The following UST variants were observed in gnomAD, a reference collection of about 807,000 sequenced individuals.
UST encodes chondroitin sulfate 2-O-sulfotransferase.
Under a neutral mutation model 45.6 loss-of-function variants are expected in UST, and 21 were observed. The observed-to-expected ratio is 0.46, with a 90% CI of 0.33 to 0.66. UST has a LOEUF of 0.66. Among genes scored for constraint, UST ranks in the 30% least tolerant of loss-of-function variants. The pLI is 0.02. For synonymous variants in UST, 215 were observed against 200.6 expected, an observed-to-expected ratio of 1.07 and a Z score of -0.61; for missense variants, 463 against 512.4, an observed-to-expected ratio of 0.90 and a Z score of 0.93.
intron 2 of UST, among the ~76,000 whole-genome samples, chr6:148,926,113 A>G (rs755686075): frequency 2.6e-4 from 39 of 152,262 alleles, no homozygotes; most frequent in Non-Finnish European, 4.6e-4. Context: ...TTGAAGAAAG[A>G]AAGCAGCACA....
At chr6:148,834,016 T>G (rs976209689) in intron 1 of UST, among the ~76,000 whole-genome samples, 20 of 152,248 alleles carry the variant, frequency 1.3e-4, no homozygotes, top group African/African-American at 3.6e-4. Flanking sequence ...GTTCATAAAT[T>G]GATGCTGTTA....
chr6:148,923,700 A>G (rs1016122741), intron 2 of UST, among the ~76,000 whole-genome samples: 1 of 152,160 alleles, frequency 6.6e-6, no homozygotes, highest in Admixed American at 6.5e-5. Flanking sequence ...AGGTCAGGAG[A>G]TCGAGACCAT....
intron 7 of UST, among the ~76,000 whole-genome samples, chr6:149,028,127 A>T (rs1054801255): frequency 1.3e-5 from 2 of 152,108 alleles, no homozygotes; most frequent in African/African-American, 2.4e-5. Flanking sequence ...TACTGGCGTG[A>T]TCCACCGCGC....
intron 5 of UST, among the ~76,000 whole-genome samples, chr6:148,966,320 T>C (rs1284451890): frequency 6.6e-6 from 1 of 152,164 alleles, no homozygotes; most frequent in East Asian, 1.9e-4. Flanking sequence ...ATTCAGAGTA[T>C]AGAAACACTA....
intron 5 of UST, among the ~76,000 whole-genome samples, chr6:149,010,101 A>C (rs1775781127): frequency 6.6e-6 from 1 of 152,098 alleles, no homozygotes; most frequent in South Asian, 2.1e-4. Context: ...TCCTATAGTT[A>C]CATATTCTTT....
At chr6:148,870,305 T>C (rs1245272590) in intron 1 of UST, among the ~76,000 whole-genome samples, 1 of 152,106 alleles carries the variant, frequency 6.6e-6, no homozygotes, top group Non-Finnish European at 1.5e-5. Context: ...TCCTGACCCC[T>C]GGGGTTGATG....
At chr6:149,034,706 G>A (rs1303339557) in intron 7 of UST, among the ~76,000 whole-genome samples, 1 of 152,192 alleles carries the variant, frequency 6.6e-6, no homozygotes, top group Non-Finnish European at 1.5e-5. Context: ...TTTACTTCAA[G>A]ATGTTCCTAA....
intron 1 of UST, among the ~76,000 whole-genome samples, chr6:148,884,637 G>A (rs1476005558): frequency 2.0e-5 from 3 of 152,056 alleles, no homozygotes; most frequent in African/African-American, 4.8e-5. Flanking sequence ...AGACCATGGC[G>A]AGGAGCTGAC....
intron 2 of UST, among the ~76,000 whole-genome samples, chr6:148,902,806 T>A (rs991002793): frequency 6.6e-6 from 1 of 152,176 alleles, no homozygotes; most frequent in Non-Finnish European, 1.5e-5. Flanking sequence ...TCTTTTTTGC[T>A]CTACTGTCTA....
At chr6:149,049,607 A>G (rs1039717940) in intron 7 of UST, among the ~76,000 whole-genome samples, 5 of 152,222 alleles carry the variant, frequency 3.3e-5, no homozygotes, top group African/African-American at 1.2e-4. Context: ...AATTATATGG[A>G]AGCAGAAGGA....
intron 1 of UST, among the ~76,000 whole-genome samples, chr6:148,812,004 C>G (rs905342613): frequency 6.6e-6 from 1 of 152,198 alleles, no homozygotes; most frequent in Admixed American, 6.5e-5. Flanking sequence ...GTGCTATGAT[C>G]TTTAACATTC....
chr6:149,021,885 G>A (rs1431634464), intron 7 of UST, among the ~76,000 whole-genome samples: 2 of 152,200 alleles, frequency 1.3e-5, no homozygotes, highest in Admixed American at 6.5e-5. Context: ...GGAAACATGC[G>A]TGAGTATGAA....
chr6:148,783,463 G>A (rs1290607337), intron 1 of UST, among the ~76,000 whole-genome samples: 1 of 152,160 alleles, frequency 6.6e-6, no homozygotes, highest in Non-Finnish European at 1.5e-5. Flanking sequence ...CCAGCAAAAA[G>A]CATTTCTCTC....
chr6:148,964,820 C>G (rs1296222037), intron 5 of UST: 7 of 497,186 alleles, frequency 1.4e-5, no homozygotes, highest in Non-Finnish European at 2.5e-5. Context: ...GGTTTTGGGA[C>G]CCAGAGCGTT....
intron 1 of UST, among the ~76,000 whole-genome samples, chr6:148,857,439 C>T (rs898359181): frequency 7.9e-5 from 12 of 152,120 alleles, no homozygotes; most frequent in East Asian, 1.9e-4. Flanking sequence ...TACTCCTTCC[C>T]GTGAATGCAC....
At chr6:149,037,656 G>T (rs116045945) in intron 7 of UST, among the ~76,000 whole-genome samples, 6 of 152,226 alleles carry the variant, frequency 3.9e-5, no homozygotes, top group Non-Finnish European at 7.3e-5. Context: ...TCCACGGACC[G>T]GTGCCAGTCC....
chr6:149,006,428 G>T (rs144959921), intron 5 of UST, among the ~76,000 whole-genome samples: 189 of 152,164 alleles, frequency 1.2e-3, no homozygotes, highest in African/African-American at 4.5e-3. Flanking sequence ...ACATGATCTT[G>T]TTCCTTTTTA....
intron 2 of UST, among the ~76,000 whole-genome samples, chr6:148,889,442 AG>A (rs780872293): frequency 6.6e-6 from 1 of 152,122 alleles, no homozygotes; most frequent in East Asian, 1.9e-4. Flanking sequence ...GGGACAATAG[AG>A]GGGGAAAAGA....
chr6:149,041,207 G>T (rs748081422), intron 7 of UST, among the ~76,000 whole-genome samples: 1 of 152,214 alleles, frequency 6.6e-6, no homozygotes, highest in South Asian at 2.1e-4. Context: ...CCTGATCTCT[G>T]TGCTGACTTC....
Sources: gnomAD v4.1 joint callset for allele counts (sites outside exome capture counted in the v4.1 genomes callset) on GRCh38, gnomAD v4.1.1 for gene constraint, MANE v1.5 for transcripts, NCBI Gene and HGNC (gene_info 2026-07-23, HGNC 2026-07-21) for gene names.